SLC16A12: variants seen among roughly 807,000 people sequenced by gnomAD.
The protein encoded by SLC16A12 is solute carrier family 16 member 12.
SLC16A12 carries 17 observed loss-of-function variants against 42.4 expected under a neutral mutation model. The ratio of observed to expected loss-of-function variants is 0.40; its 90% confidence interval spans 0.27 to 0.60. SLC16A12 has a LOEUF of 0.60. SLC16A12 is among the 20% of genes least tolerant of loss of function. The pLI, the probability that SLC16A12 is intolerant of heterozygous loss-of-function variation, is 0.42. For synonymous variants in SLC16A12, 224 were observed against 229.4 expected (o/e 0.98, Z 0.21); for missense variants, 544 against 623.0 (o/e 0.87, Z 1.35).
At chr10:89,483,754 C>CAA (rs796203412) in intron 2 of SLC16A12, among the ~76,000 whole-genome samples, 4 of 102,406 alleles carry the variant, frequency 3.9e-5, no homozygotes, top group African/African-American at 9.8e-5. Context: ...AAAAAAAAAA[C>CAA]AAAAAAAAAA....
intron 2 of SLC16A12, among the ~76,000 whole-genome samples, chr10:89,544,885 T>C (rs1843734265): frequency 6.6e-6 from 1 of 152,194 alleles, no homozygotes; most frequent in Admixed American, 6.5e-5. Flanking sequence ...CTTTGCAATA[T>C]GACTTTGTAG....
rs1182755130 is a variant in SLC16A12 at position 89,445,001 on chromosome 10, G to A, written c.201-1142C>T. Among the ~76,000 whole-genome samples, 9 of 152,240 alleles carry A rather than the reference G, an allele frequency of 5.9e-5. No individual in the cohort carries two copies. In the South Asian group the frequency reaches 6.2e-4, roughly 11 times the overall value. The stretch of plus-strand genomic sequence containing the variant: ...CCATGGAGCCTTGCTCACTGCTAGC[G>A]CAGCAGTCCGAGATCAAACTGTGAG... On this transcript the variant is annotated intron_variant, in intron 3 of 7. Transcript: ENST00000371790.
At chr10:89,499,477 C>G (rs1174139720) in intron 2 of SLC16A12, among the ~76,000 whole-genome samples, 1 of 152,136 alleles carries the variant, frequency 6.6e-6, no homozygotes, top group Non-Finnish European at 1.5e-5. Flanking sequence ...TCACTTGAAC[C>G]TGGGAGGTGG....
chr10:89,462,515 G>A lies in SLC16A12; in HGVS notation c.64C>T (p.Pro22Ser). The A allele has an allele frequency of 6.2e-7, 1 of 1,613,652 alleles. No individual in the cohort carries two copies. Among genetic ancestry groups the A allele is most frequent in the Admixed American group, 1.7e-5 (1 of 59,966 alleles). ...GTTTTTCTTTTTTCTTCTTTTCCAG[G>A]TTGCTCCAACAGCCAAGTTATGATC... ...SKIITWLLEQ[P>S]GKEEKRKTMA... The change falls in exon 3 of 8, where the codon CCT becomes TCT. Residue 22 changes from proline (P) to serine (S), a missense_variant. Physicochemically the swap from Pro to Ser is moderately conservative, Grantham distance 74. Transcript: ENST00000371790.
At chr10:89,523,818 A>G (rs977814251) in intron 2 of SLC16A12, among the ~76,000 whole-genome samples, 2 of 152,254 alleles carry the variant, frequency 1.3e-5, no homozygotes, top group African/African-American at 2.4e-5. Context: ...CAGTGAAGCT[A>G]TAAAGAATAC....
At chr10:89,536,729 A>C (rs1252666457), upstream of SLC16A12, among the ~76,000 whole-genome samples, 4 of 152,170 alleles carry the variant, frequency 2.6e-5, no homozygotes, top group African/African-American at 9.7e-5. Flanking sequence ...CTTGTTAAAA[A>C]TGCGGAATCT....
upstream of SLC16A12, among the ~76,000 whole-genome samples, chr10:89,539,909 C>CTTTCTTTCTTTCTTTCTTTCT (rs370913553): frequency 1.2e-3 from 165 of 137,116 alleles, 1 homozygote; most frequent in African/African-American, 2.8e-3. Context: ...TTCTTTCTTT[C>CTTTCTTTCTTTCTTTCTTTCT]TTTTTTCTTT....
intron 2 of SLC16A12, among the ~76,000 whole-genome samples, chr10:89,478,375 C>G (rs1842612989): frequency 6.6e-6 from 1 of 152,184 alleles, no homozygotes; most frequent in Admixed American, 6.5e-5. Context: ...CCTCCCAGGT[C>G]AGAGAACAGG....
At chr10:89,506,247 A>G (rs1268642551) in intron 2 of SLC16A12, among the ~76,000 whole-genome samples, 1 of 152,216 alleles carries the variant, frequency 6.6e-6, no homozygotes, top group East Asian at 1.9e-4. Context: ...TGCCTCCTCA[A>G]CTGGGTCCCT....
rs55935286 is a variant in SLC16A12 at position 89,534,644 on chromosome 10, C to CAAAAAAAAAAAAAAAAAAA, written c.-186-23_-186-5dup. 1.9e-5 allele frequency: 1 copy of CAAAAAAAAAAAAAAAAAAA among 52,282 alleles called. No individual in the cohort carries two copies. 3.2% of individuals were successfully genotyped at this position (52,282 alleles called of 1,614,324 possible). A position where few individuals can be genotyped will look rare whatever the true frequency, so the allele number is the denominator to read the frequency against. ...CCAATATGTCGAAATCCTGTATCTG[C>CAAAAAAAAAAAAAAAAAAA]AAAAAAAAAAAAAAAAAAAAAAAAA... is the stretch of plus-strand genomic sequence containing the variant. On this transcript the variant is annotated splice_region_variant and splice_polypyrimidine_tract_variant and intron_variant, in intron 1 of 7. Coordinates refer to ENST00000371790, the MANE Select transcript of SLC16A12 (RefSeq NM_213606.4).
rs556762831 is a variant in SLC16A12, at chr10:89,438,665, A to C, written c.967T>G (p.Ser323Ala). 1 of 1,614,074 alleles carries C rather than the reference A, an allele frequency of 6.2e-7. No homozygotes were observed. The highest frequency in any genetic ancestry group is 2.2e-5 in the East Asian group (1 of 44,886). The change falls in exon 6 of 8, where the codon TCC becomes GCC. Residue 323 changes from serine (S) to alanine (A), a missense_variant. Transcript: ENST00000371790. ...ATAATGTCAATCACTCCAAGTATGG[A>C]CATAAGAAAAGCAGCTTGCTGATGA... The part of the protein sequence containing the change: ...VSHQQAAFLM[S>A]ILGVIDIIGN...
At chr10:89,536,755 A>G (rs1197713525), upstream of SLC16A12, among the ~76,000 whole-genome samples, 1 of 152,116 alleles carries the variant, frequency 6.6e-6, no homozygotes, top group East Asian at 1.9e-4. Flanking sequence ...CCAACCGCGG[A>G]TCAGAATCTG....
At chr10:89,486,608 AAAGAAAGAAAGAAAGAAAGAAAGAAAG>A (rs1842749573) in intron 2 of SLC16A12, among the ~76,000 whole-genome samples, 3 of 40,278 alleles carry the variant, frequency 7.4e-5, no homozygotes, top group African/African-American at 3.3e-4. Flanking sequence ...AAAAAAAAAG[AAAGAAAGAAAGAAAGAAAGAAAGAAAG>A]AAAGAAAGAA....
chr10:89,506,416 T>C lies in SLC16A12; in HGVS notation c.-47+28085A>G, dbSNP rs377569090. Among the ~76,000 whole-genome samples, 29 of 152,270 alleles carry C rather than the reference T, an allele frequency of 1.9e-4. No individual in the cohort carries two copies. In the East Asian group the frequency reaches 4.4e-3, roughly 23 times the overall value. On this transcript the variant is annotated intron_variant, in intron 2 of 7. Coordinates refer to ENST00000371790, the MANE Select transcript of SLC16A12 (RefSeq NM_213606.4). ...TTTGCTGTTCCGCAGCCTCCGCTGG[T>C]GATACCTGGCAAACAAGGTCTGGAG...
At chr10:89,527,406 C>G (rs1346319131) in intron 2 of SLC16A12, among the ~76,000 whole-genome samples, 1 of 151,832 alleles carries the variant, frequency 6.6e-6, no homozygotes, top group Non-Finnish European at 1.5e-5. Context: ...TCGCTTGAAC[C>G]CAGGAGGCAG....
chr10:89,501,548 A>G (rs934712322), intron 2 of SLC16A12, among the ~76,000 whole-genome samples: 7 of 152,110 alleles, frequency 4.6e-5, no homozygotes, highest in African/African-American at 9.7e-5. Flanking sequence ...ACAAAAACAT[A>G]AAGTGGGGAA....
intron 2 of SLC16A12, among the ~76,000 whole-genome samples, chr10:89,517,824 G>A (rs1436512370): frequency 6.6e-6 from 1 of 152,038 alleles, no homozygotes; most frequent in Non-Finnish European, 1.5e-5. Flanking sequence ...TATTCCAACA[G>A]TCCTAGAATA....
intron 2 of SLC16A12, among the ~76,000 whole-genome samples, chr10:89,541,228 A>G (rs1319340232): frequency 6.6e-6 from 1 of 152,020 alleles, no homozygotes; most frequent in Non-Finnish European, 1.5e-5. Context: ...GCCTGGCTGC[A>G]AATTTCTTAA....
At position 89,554,083 on chromosome 10, in the gene SLC16A12, AGAAAGAAAGAAAGAAAGAAG is replaced by A. The variant is rs1843790064; in HGVS notation, c.-47+1779_-47+1798del. ...AAGAAAGAAAGAAAGAAAGAAAGAA[AGAAAGAAAGAAAGAAAGAAG>A]GAAGGAAGGAAGGAAGGAAGGAAGG... On this transcript the variant is annotated intron_variant, in intron 2 of 2. Transcript: ENST00000475682. 2.3e-4 allele frequency among the ~76,000 whole-genome samples: 12 copies of A among 53,260 alleles called. No individual in the cohort carries two copies. The South Asian group carries it at 2.4e-3, about 11-fold the overall frequency. The allele number at this position is 53,260 out of a possible 152,430, so 34.9% of individuals were successfully genotyped here. A position where few individuals can be genotyped will look rare whatever the true frequency, so the allele number is the denominator to read the frequency against.
Sources: allele counts gnomAD v4.1 joint callset (sites outside exome capture counted in the v4.1 genomes callset), GRCh38; gene constraint gnomAD v4.1.1; transcripts MANE v1.5; gene names NCBI Gene and HGNC (gene_info 2026-07-23, HGNC 2026-07-21).